PTPRD: variants seen among roughly 807,000 people sequenced by gnomAD.
PTPRD encodes the protein protein tyrosine phosphatase receptor type D.
PTPRD carries 34 observed loss-of-function variants against 214.5 expected under a neutral mutation model. That is an observed-to-expected ratio of 0.16 (90% CI 0.12 to 0.21). The LOEUF is 0.21. Ranked by LOEUF, PTPRD falls within the 10% of genes least tolerant of loss-of-function variation. The pLI is 1.00. For missense variants in PTPRD, 2,545 were observed against 2,398.7 expected (o/e 1.06, Z -1.27); for synonymous variants, 1,128 against 845.7 (o/e 1.33, Z -5.79).
intron 35 of PTPRD, among the ~76,000 whole-genome samples, chr9:8,432,842 T>A (rs945608553): frequency 2.0e-5 from 3 of 152,210 alleles, no homozygotes; most frequent in African/African-American, 7.2e-5. Context: ...ATCATCATCA[T>A]GAACATCAGT....
In PTPRD at chr9:8,499,651, G is replaced by C. The variant is rs1176060281; in HGVS notation, c.2318C>G (p.Ala773Gly). 5.6e-6 allele frequency: 9 copies of C among 1,612,934 alleles called. No individual in the cohort carries two copies. The highest frequency in any genetic ancestry group is 7.6e-6 in the Non-Finnish European group (9 of 1,179,538). Residue 773 changes from alanine (A) to glycine (G), a missense_variant, in exon 25 of 46, where the codon GCA (alanine) becomes GGA (glycine). Physicochemically the swap from Ala to Gly is moderately conservative, Grantham distance 60. Coordinates refer to ENST00000381196, the MANE Select transcript of PTPRD (RefSeq NM_002839.4). ...TACATAATTTCAGAGGCTTACCTGTGCATCAGCCAGCATGACATCTTTCAG... is the reference window on the plus strand; with the variant it reads ...TACATAATTTCAGAGGCTTACCTGTCCATCAGCCAGCATGACATCTTTCAG... ...PMLKDVMLAD[A>G]QWEFDDTTEH...
At chr9:9,953,261 G>T (rs143878416) in intron 4 of PTPRD, among the ~76,000 whole-genome samples, 11 of 152,230 alleles carry the variant, frequency 7.2e-5, no homozygotes, top group African/African-American at 2.6e-4. Context: ...CCTCCACGAT[G>T]TGGACAGGCC....
At chr9:9,477,578 C>G (rs985678055) in intron 8 of PTPRD, among the ~76,000 whole-genome samples, 4 of 152,064 alleles carry the variant, frequency 2.6e-5, no homozygotes, top group Non-Finnish European at 5.9e-5. Flanking sequence ...TGTTTTTTAT[C>G]TTAATTTCCA....
intron 10 of PTPRD, among the ~76,000 whole-genome samples, chr9:9,022,063 C>T (rs2099571830): frequency 6.6e-6 from 1 of 151,852 alleles, no homozygotes; most frequent in African/African-American, 2.4e-5. Flanking sequence ...ATAGGTGCAG[C>T]AGACCATCAT....
At chr9:10,432,127 T>C (rs1294742163) in intron 2 of PTPRD, among the ~76,000 whole-genome samples, 1 of 151,806 alleles carries the variant, frequency 6.6e-6, no homozygotes, top group Non-Finnish European at 1.5e-5. Context: ...TGAGTTCATG[T>C]CCTTTGTAGG....
At chr9:9,559,154 C>G (rs1473823082) in intron 8 of PTPRD, among the ~76,000 whole-genome samples, 1 of 152,198 alleles carries the variant, frequency 6.6e-6, no homozygotes, top group Non-Finnish European at 1.5e-5. Flanking sequence ...CAGTTACTAA[C>G]TGCTTCCCAG....
At chr9:10,566,780 T>C (rs1437237160) in intron 2 of PTPRD, among the ~76,000 whole-genome samples, 2 of 152,046 alleles carry the variant, frequency 1.3e-5, no homozygotes, top group South Asian at 2.1e-4. Flanking sequence ...GATACTCTCA[T>C]AGCATCTTCC....
intron 44 of PTPRD, among the ~76,000 whole-genome samples, chr9:8,322,061 G>A (rs1828906507): frequency 6.6e-6 from 1 of 152,012 alleles, no homozygotes. Context: ...TTGGTTTGGG[G>A]TGCCATGAAC....
chr9:8,574,540 T>C (rs1028698968), intron 14 of PTPRD, among the ~76,000 whole-genome samples: 8 of 152,052 alleles, frequency 5.3e-5, no homozygotes, highest in Non-Finnish European at 1.5e-5. Context: ...CTAGGTGGTA[T>C]ATATAGCAAA....
At chr9:10,045,001 T>C (rs1283772950) in intron 3 of PTPRD, among the ~76,000 whole-genome samples, 1 of 151,504 alleles carries the variant, frequency 6.6e-6, no homozygotes, top group Non-Finnish European at 1.5e-5. Flanking sequence ...GGCTACTCTC[T>C]ATGCTGTTCC....
intron 10 of PTPRD, among the ~76,000 whole-genome samples, chr9:9,029,236 G>A (rs988504121): frequency 6.6e-6 from 1 of 151,722 alleles, no homozygotes; most frequent in Non-Finnish European, 1.5e-5. Context: ...TCATATTTGC[G>A]ACTTGCATTA....
At chr9:8,336,628 C>CAAAAAA (rs764320816) in intron 43 of PTPRD, among the ~76,000 whole-genome samples, 2 of 114,584 alleles carry the variant, frequency 1.7e-5, no homozygotes. Context: ...TTCTGCAGAG[C>CAAAAAA]AAAAAAAAAA....
At chr9:10,585,369 A>C (rs1047129142) in intron 2 of PTPRD, among the ~76,000 whole-genome samples, 1 of 152,074 alleles carries the variant, frequency 6.6e-6, no homozygotes, top group African/African-American at 2.4e-5. Flanking sequence ...TGCTCTTCTA[A>C]ATCTCATCCA....
At chr9:8,336,489 C>A (rs879734325) in intron 43 of PTPRD, among the ~76,000 whole-genome samples, 10,694 of 75,974 alleles carry the variant, frequency 0.14, 30 homozygotes, top group Middle Eastern at 0.24. Context: ...ATGATGAAAA[C>A]CCCTAGAAGA....
chr9:8,539,345 G>A (rs2077765005), intron 14 of PTPRD, among the ~76,000 whole-genome samples: 1 of 151,878 alleles, frequency 6.6e-6, no homozygotes. Flanking sequence ...AACCAAAAAT[G>A]ATGCTCCTTA....
intron 35 of PTPRD, 129 bp downstream of exon 35, chr9:8,436,463 C>G: frequency 1.5e-6 from 1 of 653,122 alleles, no homozygotes. Flanking sequence ...GTTCATTATA[C>G]ATTTTTATAT....
intron 10 of PTPRD, among the ~76,000 whole-genome samples, chr9:9,048,607 C>T (rs950376946): frequency 1.3e-5 from 2 of 152,048 alleles, no homozygotes; most frequent in Non-Finnish European, 2.9e-5. Context: ...AACATCAAAA[C>T]AGTTGAAATC....
intron 2 of PTPRD, among the ~76,000 whole-genome samples, chr9:10,535,024 G>C (rs833436): frequency 0.13 from 20,228 of 152,218 alleles, 2,011 homozygotes; most frequent in East Asian, 0.49. Flanking sequence ...GAGCTTTGCT[G>C]CTATAAACAA....
At chr9:9,061,977 T>G (rs2099708346) in intron 10 of PTPRD, among the ~76,000 whole-genome samples, 1 of 152,068 alleles carries the variant, frequency 6.6e-6, no homozygotes, top group African/African-American at 2.4e-5. Context: ...GAGTAGAAAT[T>G]AAAAGATGCC....
Sources: gnomAD v4.1 joint callset for allele counts (sites outside exome capture counted in the v4.1 genomes callset) on GRCh38, gnomAD v4.1.1 for gene constraint, MANE v1.5 for transcripts, NCBI Gene and HGNC (gene_info 2026-07-23, HGNC 2026-07-21) for gene names.